ESRP1: variants seen among roughly 807,000 people sequenced by gnomAD.
ESRP1 encodes the protein RNA-binding motif protein 35A.
Under a neutral mutation model 81.7 loss-of-function variants are expected in ESRP1, and 33 were observed. The observed-to-expected ratio is 0.40, with a 90% CI of 0.31 to 0.54. The LOEUF (loss-of-function observed/expected upper bound fraction) is 0.54. Among genes scored for constraint, ESRP1 ranks in the 20% least tolerant of loss-of-function variants. The probability of loss-of-function intolerance (pLI) is 0.41; values close to 1 mark genes in which losing one functional copy is unlikely to be tolerated. For missense variants in ESRP1, 672 were observed against 833.1 expected (o/e 0.81, Z 2.38); for synonymous variants, 320 against 303.3 (o/e 1.06, Z -0.57).
intron 15 of ESRP1, among the ~76,000 whole-genome samples, chr8:94,701,328 G>A (rs1809830998): frequency 6.6e-6 from 1 of 151,210 alleles, no homozygotes. Flanking sequence ...TATAGGATCA[G>A]GTAAAGAAAG....
chr8:94,651,203 G>A lies in ESRP1; in HGVS notation c.490+4921G>A, dbSNP rs988526349. On this transcript the variant is annotated intron_variant, in intron 4 of 15. Transcript: ENST00000433389. ...CTTGAATAATATGCAGTATTTCAAGGCATTTATGGAAGATGAAAGAAAATT... is the reference window on the plus strand; with the variant it reads ...CTTGAATAATATGCAGTATTTCAAGACATTTATGGAAGATGAAAGAAAATT... Among the ~76,000 whole-genome samples the A allele has an allele frequency of 5.3e-5, 8 of 150,758 alleles. No individual in the cohort carries two copies. In the East Asian group the frequency reaches 5.8e-4, roughly 11 times the overall value.
chr8:94,686,848 CTTT>C (rs1809160405), intron 13 of ESRP1, among the ~76,000 whole-genome samples: 1 of 151,996 alleles, frequency 6.6e-6, no homozygotes, highest in Non-Finnish European at 1.5e-5. Context: ...TTTTTAAGAA[CTTT>C]TTATTCTTAT....
At chr8:94,646,849 A>T (rs1817882127) in intron 4 of ESRP1, among the ~76,000 whole-genome samples, 2 of 152,188 alleles carry the variant, frequency 1.3e-5, no homozygotes, top group African/African-American at 4.8e-5. Flanking sequence ...TTGATGCATG[A>T]TATATTGTAA....
chr8:94,686,129 A>G (rs1413459479), intron 13 of ESRP1, among the ~76,000 whole-genome samples: 1 of 152,120 alleles, frequency 6.6e-6, no homozygotes, highest in Non-Finnish European at 1.5e-5. Context: ...GAGTTTTGCC[A>G]TGTTGGCCAG....
rs748883448 is a variant in ESRP1 at position 94,641,951 on chromosome 8, C to T, written c.133-5C>T. ...AAACTGACCCGTGCTTCTCTACCTT[C>T]GGAGGTGGGACAGTTGCACGAAGTG... On this transcript the variant is annotated splice_region_variant and splice_polypyrimidine_tract_variant and intron_variant, in intron 1 of 15. Coordinates refer to ENST00000433389, the MANE Select transcript of ESRP1 (RefSeq NM_017697.4). 1 of 1,613,686 alleles carries T rather than the reference C, an allele frequency of 6.2e-7. No individual in the cohort carries two copies. Among genetic ancestry groups the T allele is most frequent in the East Asian group, 2.2e-5 (1 of 44,866 alleles).
At chr8:94,672,165 T>C (rs1487032132) in intron 11 of ESRP1, among the ~76,000 whole-genome samples, 1 of 152,228 alleles carries the variant, frequency 6.6e-6, no homozygotes, top group South Asian at 2.1e-4. Flanking sequence ...TGTTCCAGAA[T>C]ATTTTGTATC....
intron 13 of ESRP1, among the ~76,000 whole-genome samples, chr8:94,692,453 G>T (rs1809441379): frequency 1.3e-5 from 2 of 152,098 alleles, no homozygotes; most frequent in East Asian, 1.9e-4. Context: ...AGGAAGCCCT[G>T]TATGTAATTC....
chr8:94,660,024 G>A (rs547095038), intron 4 of ESRP1, among the ~76,000 whole-genome samples: 15 of 152,178 alleles, frequency 9.9e-5, no homozygotes, highest in Non-Finnish European at 2.2e-4. Context: ...TCAGCTCTAC[G>A]ACATAATTCA....
chr8:94,673,416 C>T (rs1032191638), intron 11 of ESRP1, among the ~76,000 whole-genome samples: 1 of 152,052 alleles, frequency 6.6e-6, no homozygotes, highest in African/African-American at 2.4e-5. Flanking sequence ...TGCTAGTTTC[C>T]CTGGTGTGGT....
At chr8:94,663,789 A>C (rs1818877978) in intron 6 of ESRP1, among the ~76,000 whole-genome samples, 1 of 152,184 alleles carries the variant, frequency 6.6e-6, no homozygotes, top group Non-Finnish European at 1.5e-5. Flanking sequence ...TGAACGTGGG[A>C]GGGATAAGAC....
chr8:94,683,824 C>T (rs1336436944), intron 13 of ESRP1, among the ~76,000 whole-genome samples: 1 of 152,146 alleles, frequency 6.6e-6, no homozygotes, highest in Non-Finnish European at 1.5e-5. Context: ...CCGTGGGCAA[C>T]TCACTCTCTC....
chr8:94,692,574 G>C (rs1809445737), intron 13 of ESRP1, 103 bp from the exon 14 acceptor site: 1 of 1,243,890 alleles, frequency 8.0e-7, no homozygotes, highest in African/African-American at 1.5e-5. Flanking sequence ...GTATAAGAAA[G>C]GTTGCCTTGA....
chr8:94,663,402 T>C lies in ESRP1; in HGVS notation c.644+847T>C, dbSNP rs190773735. ...CTGGGATTACAGATGTGTACCATCA[T>C]GCCTGGCTAAGTTTTGTATTTTTAG... On this transcript the variant is annotated intron_variant, in intron 6 of 15. Coordinates refer to ENST00000433389, the MANE Select transcript of ESRP1 (RefSeq NM_017697.4). 4.2e-3 allele frequency among the ~76,000 whole-genome samples: 645 copies of C among 152,256 alleles called. 3 individuals carry two copies. Among genetic ancestry groups the C allele is most frequent in the Non-Finnish European group, 7.4e-3 (505 of 68,020 alleles).
chr8:94,684,483 T>TG (rs1809057799), intron 13 of ESRP1, among the ~76,000 whole-genome samples: 1 of 152,188 alleles, frequency 6.6e-6, no homozygotes, highest in Admixed American at 6.5e-5. Flanking sequence ...ACATGAAAAC[T>TG]GACTTTAGGT....
intron 15 of ESRP1, among the ~76,000 whole-genome samples, chr8:94,703,807 A>G (rs566109711): frequency 2.7e-4 from 41 of 152,146 alleles, no homozygotes; most frequent in Non-Finnish European, 5.4e-4. Context: ...CTAACTGGCC[A>G]TGTCTGGGCC....
At chr8:94,665,338 A>T in intron 9 of ESRP1, 142 bp downstream of exon 9, 2 of 836,264 alleles carry the variant, frequency 2.4e-6, no homozygotes, top group Non-Finnish European at 3.8e-6. Flanking sequence ...TCTTCCCCAG[A>T]GGTAGAAGCT....
intron 10 of ESRP1, among the ~76,000 whole-genome samples, chr8:94,671,185 TG>T (rs913453996): frequency 3.3e-5 from 5 of 152,244 alleles, no homozygotes; most frequent in African/African-American, 1.2e-4. Context: ...GTGTTGTGTG[TG>T]GTGTACACCT....
In ESRP1 at chr8:94,641,970, C is replaced by A; in HGVS notation, c.147C>A (p.His49Gln). The A allele has an allele frequency of 6.2e-7, 1 of 1,613,862 alleles. No homozygotes were observed. Among genetic ancestry groups the A allele is most frequent in the Non-Finnish European group, 8.5e-7 (1 of 1,179,804 alleles). ...DLANKKVGQLHEVLVRPDQLE... is the reference protein window; with the variant it reads ...DLANKKVGQLQEVLVRPDQLE... ...TACCTTCGGAGGTGGGACAGTTGCA[C>A]GAAGTGCTAGTTAGACCGGATCAGT... is the stretch of plus-strand genomic sequence containing the variant. The change falls in exon 2 of 16, where the codon CAC (histidine) becomes CAA (glutamine). Residue 49 changes from histidine to glutamine, a missense_variant. By Grantham distance (24) the His-to-Gln change is conservative (BLOSUM62 0). Transcript: ENST00000433389.
chr8:94,668,174 C>T lies in ESRP1; in HGVS notation c.1157C>T (p.Ala386Val). Reference sequence around the variant, plus strand: ...GCCTGTGAGGAATATGCACAGAATGCGTTGAGGAAGCATAAAGACTTGTTG... The same window carrying T: ...GCCTGTGAGGAATATGCACAGAATGTGTTGAGGAAGCATAAAGACTTGTTG... ...LFACEEYAQN[A>V]LRKHKDLLGK... is the part of the protein sequence containing the mutation. The change falls in exon 10 of 16, where the codon GCG becomes GTG. Residue 386 changes from alanine (A) to valine (V), a missense_variant. Ala to Val is a moderately conservative substitution (Grantham distance 64). Coordinates refer to ENST00000433389, the MANE Select transcript of ESRP1 (RefSeq NM_017697.4). 4 of 1,613,774 alleles carry T rather than the reference C, an allele frequency of 2.5e-6. No individual in the cohort carries two copies. The highest frequency in any genetic ancestry group is 2.2e-5 in the East Asian group (1 of 44,870).
Sources: allele counts gnomAD v4.1 joint callset (sites outside exome capture counted in the v4.1 genomes callset), GRCh38; gene constraint gnomAD v4.1.1; transcripts MANE v1.5; gene names NCBI Gene and HGNC (gene_info 2026-07-23, HGNC 2026-07-21).